The following ADAMTS16 variants were observed in gnomAD, a reference collection of about 807,000 sequenced individuals.
ADAMTS16 encodes ADAM metallopeptidase with thrombospondin type 1 motif 16.
Under a neutral mutation model 145.8 loss-of-function variants are expected in ADAMTS16, and 94 were observed. The observed-to-expected ratio is 0.64, with a 90% CI of 0.55 to 0.77. The LOEUF is 0.77. ADAMTS16 is among the 30% of genes least tolerant of loss of function. The pLI is 0.00. For missense variants in ADAMTS16, 1,585 were observed against 1,591.5 expected (o/e 1.00, Z 0.07); for synonymous variants, 659 against 604.3 (o/e 1.09, Z -1.33).
At chr5:5,247,580 G>A (rs1482230215) in intron 17 of ADAMTS16, among the ~76,000 whole-genome samples, 1 of 151,610 alleles carries the variant, frequency 6.6e-6, no homozygotes, top group African/African-American at 2.4e-5. Flanking sequence ...GTTCCAGCAA[G>A]CCTCCACTCA....
chr5:5,254,798 T>G (rs1055817582), intron 17 of ADAMTS16, among the ~76,000 whole-genome samples: 1 of 152,168 alleles, frequency 6.6e-6, no homozygotes, highest in Non-Finnish European at 1.5e-5. Context: ...TTCTCTTAAT[T>G]TATTTAGTAT....
At chr5:5,179,373 A>G (rs1036585104) in intron 3 of ADAMTS16, among the ~76,000 whole-genome samples, 8 of 152,054 alleles carry the variant, frequency 5.3e-5, no homozygotes, top group Admixed American at 4.6e-4. Flanking sequence ...AAGTGTTTGC[A>G]TATCAAAAAG....
At chr5:5,234,869 C>CAGAAAAAAA (rs539592178) in intron 12 of ADAMTS16, 145 bp from the exon 13 acceptor site, 1 of 55,982 alleles carries the variant, frequency 1.8e-5, no homozygotes, top group Non-Finnish European at 2.8e-5. Flanking sequence ...GACTCCATCT[C>CAGAAAAAAA]AAAAAAAAAA....
At chr5:5,156,069 G>A (rs1336938472) in intron 3 of ADAMTS16, among the ~76,000 whole-genome samples, 1 of 152,036 alleles carries the variant, frequency 6.6e-6, no homozygotes, top group African/African-American at 2.4e-5. Flanking sequence ...GGAAAGAGCA[G>A]GTTCTTCCAC....
At chr5:5,163,543 C>A (rs34541382) in intron 3 of ADAMTS16, among the ~76,000 whole-genome samples, 18,054 of 152,086 alleles carry the variant, frequency 0.12, 1,288 homozygotes, top group South Asian at 0.18. Context: ...AAGGTAATGG[C>A]CTGGGGTGTT....
chr5:5,247,296 A>C (rs1357526238), intron 17 of ADAMTS16, among the ~76,000 whole-genome samples: 2 of 152,078 alleles, frequency 1.3e-5, no homozygotes, highest in African/African-American at 4.8e-5. Context: ...TCTACTAAAA[A>C]CGTCTCCCGT....
chr5:5,260,825 C>T (rs1193317191), intron 17 of ADAMTS16, among the ~76,000 whole-genome samples: 1 of 152,226 alleles, frequency 6.6e-6, no homozygotes, highest in East Asian at 1.9e-4. Context: ...TTTCAATTTT[C>T]CTTAAGTCAG....
At chr5:5,280,683 C>A (rs1304318348) in intron 18 of ADAMTS16, among the ~76,000 whole-genome samples, 9 of 152,104 alleles carry the variant, frequency 5.9e-5, no homozygotes, top group African/African-American at 2.2e-4. Flanking sequence ...TAACGGAATT[C>A]TATTGTTGCT....
Position 5,146,145 on chromosome 5 carries a change from C to A in ADAMTS16, c.191C>A (p.Ser64Tyr), listed in dbSNP as rs1333443948. The A allele has an allele frequency of 6.2e-7, 1 of 1,613,570 alleles. No individual in the cohort carries two copies. Among genetic ancestry groups the A allele is most frequent in the East Asian group, 2.2e-5 (1 of 44,882 alleles). The change falls in exon 3 of 23, where the codon TCT becomes TAT. Residue 64 changes from serine (S) to tyrosine (Y), a missense_variant. Coordinates refer to ENST00000274181, the MANE Select transcript of ADAMTS16 (RefSeq NM_139056.4). Reference protein sequence around the residue: ...WMEKGEYDLVSAYEVDHRGDY... With the variant: ...WMEKGEYDLVYAYEVDHRGDY... ...TTGATTTCAGAATATGACCTGGTCT[C>A]TGCCTACGAGGTTGACCACAGGGGC...
At chr5:5,222,324 G>GATGA (rs1736630531) in intron 10 of ADAMTS16, among the ~76,000 whole-genome samples, 1 of 150,018 alleles carries the variant, frequency 6.7e-6, no homozygotes, top group Admixed American at 6.6e-5. Flanking sequence ...TAAATGGATG[G>GATGA]ATGGATGGAT....
intron 18 of ADAMTS16, among the ~76,000 whole-genome samples, chr5:5,287,934 C>T (rs1739163678): frequency 6.6e-6 from 1 of 152,098 alleles, no homozygotes; most frequent in South Asian, 2.1e-4. Flanking sequence ...CATCCAGGTT[C>T]GCTGCAGGAG....
rs113022436 is a variant in ADAMTS16 at position 5,275,368 on chromosome 5, G to A, written c.2789+12585G>A. ...GACTTCCTTTATGGCTTAACAATGG[G>A]AGTTTGTTATAAATATTTCCCGTGA... On this transcript the variant is annotated intron_variant, in intron 18 of 22. Transcript: ENST00000274181. Among the ~76,000 whole-genome samples the A allele has an allele frequency of 5.0e-3, 762 of 152,020 alleles. 8 individuals are homozygous for A. Among genetic ancestry groups the A allele is most frequent in the African/African-American group, 0.018 (735 of 41,422 alleles).
At chr5:5,196,987 G>C (rs577682249) in intron 8 of ADAMTS16, among the ~76,000 whole-genome samples, 5 of 152,280 alleles carry the variant, frequency 3.3e-5, no homozygotes, top group Non-Finnish European at 7.4e-5. Flanking sequence ...CGCAACTGCT[G>C]TCTTCAGCTC....
chr5:5,309,330 A>T (rs1240779614), intron 21 of ADAMTS16, among the ~76,000 whole-genome samples: 1 of 151,398 alleles, frequency 6.6e-6, no homozygotes, highest in Non-Finnish European at 1.5e-5. Context: ...ATTTTGTGAA[A>T]TTTTTTTTTC....
At chr5:5,283,976 A>G (rs1739021734) in intron 18 of ADAMTS16, among the ~76,000 whole-genome samples, 1 of 152,136 alleles carries the variant, frequency 6.6e-6, no homozygotes, top group African/African-American at 2.4e-5. Context: ...TTTGTGTGTT[A>G]CCTTTCAAAA....
At chr5:5,264,605 T>C (rs1481383099) in intron 18 of ADAMTS16, among the ~76,000 whole-genome samples, 1 of 152,046 alleles carries the variant, frequency 6.6e-6, no homozygotes, top group Admixed American at 6.5e-5. Context: ...TTACCAATAT[T>C]TGAAGGGCCA....
chr5:5,235,019 C>T lies in ADAMTS16; in HGVS notation c.1856C>T (p.Ser619Leu), dbSNP rs762449850. ...CTTCAAAATACACATTCCAGGCCATCGCATGGAGGGAAGTTCTGTGAGGGC... is the reference window on the plus strand; with the variant it reads ...CTTCAAAATACACATTCCAGGCCATTGCATGGAGGGAAGTTCTGTGAGGGC... ...RSRLCTNPKP[S>L]HGGKFCEGST... Residue 619 changes from serine (S) to leucine (L), a missense_variant, in exon 13 of 23, where the codon TCG becomes TTG. By Grantham distance (145) the Ser-to-Leu change is moderately radical. Transcript: ENST00000274181. The T allele has an allele frequency of 1.0e-5, 16 of 1,570,060 alleles. No homozygotes were observed. The highest frequency in any genetic ancestry group is 4.1e-5 in the African/African-American group (3 of 73,794).
intron 18 of ADAMTS16, among the ~76,000 whole-genome samples, chr5:5,295,250 TATGTTTC>T (rs1739484855): frequency 6.6e-6 from 1 of 152,244 alleles, no homozygotes; most frequent in Non-Finnish European, 1.5e-5. Context: ...TTAAAATTTG[TATGTTTC>T]CTCAATATTT....
Position 5,178,319 on chromosome 5 carries a change from T to A in ADAMTS16, c.502-3725T>A, listed in dbSNP as rs1477140851. Among the ~76,000 whole-genome samples the A allele has an allele frequency of 2.0e-5, 3 of 152,222 alleles. No individual in the cohort carries two copies. In the East Asian group the frequency reaches 5.8e-4, roughly 29 times the overall value. On this transcript the variant is annotated intron_variant, in intron 3 of 22. Coordinates refer to ENST00000274181, the MANE Select transcript of ADAMTS16 (RefSeq NM_139056.4). ...GCAAAGCCTGAAGGACTTGGCCTTT[T>A]CTGAGGCCTGGTTAATAATCCACCC...
Sources: gnomAD v4.1 joint callset for allele counts (sites outside exome capture counted in the v4.1 genomes callset) on GRCh38, gnomAD v4.1.1 for gene constraint, MANE v1.5 for transcripts, NCBI Gene and HGNC (gene_info 2026-07-23, HGNC 2026-07-21) for gene names.